ARL6IP4: variants seen among roughly 807,000 people sequenced by gnomAD.
The protein encoded by ARL6IP4 is ADP-ribosylation factor-like protein 6-interacting protein 4.
ARL6IP4 carries 24 observed loss-of-function variants against 28.1 expected under a neutral mutation model. The observed-to-expected ratio is 0.86, with a 90% confidence interval of 0.62 to 1.20. ARL6IP4 has a LOEUF of 1.20. ARL6IP4 is among the 50% of genes most tolerant of loss of function. The pLI, the probability that ARL6IP4 is intolerant of heterozygous loss-of-function variation, is 0.00. For synonymous variants in ARL6IP4, 162 were observed against 122.3 expected (o/e 1.32, Z -2.14); for missense variants, 343 against 302.4 (o/e 1.13, Z -1.00).
chr12:122,981,023 C>T, intron 1 of ARL6IP4, 106 bp from the exon 2 acceptor site: 3 of 1,414,410 alleles, frequency 2.1e-6, no homozygotes, highest in South Asian at 1.5e-5. Context: ...GGGACGGTGA[C>T]GGGTACTGGG....
In ARL6IP4 at chr12:122,982,657, G is replaced by A. The variant is rs139900775; in HGVS notation, c.695G>A (p.Arg232Gln). Reference protein sequence around the residue: ...TRGDCLAFQMRAGLLP With the variant: ...TRGDCLAFQMQAGLLP The stretch of plus-strand genomic sequence containing the variant: ...GGGGACTGCCTGGCCTTCCAGATGC[G>A]AGCTGGGTTGCTTCCCTGAGGGCCC... Residue 232 changes from arginine (R) to glutamine (Q), a missense_variant, in exon 6 of 6, where the codon CGA becomes CAA. Physicochemically the swap from Arg to Gln is conservative, Grantham distance 43 (BLOSUM62 1). Coordinates refer to ENST00000315580, the MANE Select transcript of ARL6IP4 (RefSeq NM_018694.4). 154 of 1,613,920 alleles carry A rather than the reference G, an allele frequency of 9.5e-5. No individual in the cohort carries two copies. Among genetic ancestry groups the A allele is most frequent in the African/African-American group, 1.1e-4 (8 of 75,044 alleles).
chr12:122,980,494 C>G, upstream of ARL6IP4: 1 of 1,369,616 alleles, frequency 7.3e-7, no homozygotes, highest in South Asian at 1.8e-5. Context: ...GAGAGGGCAG[C>G]CTTGGAAGTG....
upstream of ARL6IP4, chr12:122,980,639 TC>T: frequency 7.1e-7 from 1 of 1,400,218 alleles, no homozygotes; most frequent in Non-Finnish European, 9.3e-7. Flanking sequence ...GCGCCGCGCT[TC>T]CCAGCCGGCC....
intron 4 of ARL6IP4, 72 bp downstream of exon 4, chr12:122,982,146 G>T: frequency 6.5e-7 from 1 of 1,545,444 alleles, no homozygotes; most frequent in Non-Finnish European, 8.9e-7. Flanking sequence ...CTCTCGGGAG[G>T]AGTGGGGCCG....
At chr12:122,980,769 G>C in intron 1 of ARL6IP4, 24 bp downstream of exon 1, 1 of 1,306,806 alleles carries the variant, frequency 7.7e-7, no homozygotes, top group Non-Finnish European at 9.7e-7. Context: ...AGCCCCGGGG[G>C]CCCCCTTGAG....
chr12:122,982,836 G>T lies in ARL6IP4; in HGVS notation c.*160G>T. 1.3e-6 allele frequency: 1 copy of T among 743,460 alleles called. No homozygotes were observed. 46.1% of individuals were successfully genotyped at this position (743,460 alleles called of 1,614,324 possible). A position where few individuals can be genotyped will look rare whatever the true frequency, so the allele number is the denominator to read the frequency against. ...TCTCAGGGGCAGGGGGTGGAGGTTG[G>T]GGTCACCGGCCTGCTTGGCACCCCC... is the stretch of plus-strand genomic sequence containing the variant. On this transcript the variant is annotated 3_prime_UTR_variant, in exon 6 of 6. Coordinates refer to ENST00000315580, the MANE Select transcript of ARL6IP4 (RefSeq NM_018694.4).
Position 122,981,740 on chromosome 12 carries a change from G to A in ARL6IP4, c.330G>A (p.Lys110=), listed in dbSNP as rs1035757808. 1.8e-5 allele frequency: 28 copies of A among 1,554,754 alleles called. No individual in the cohort carries two copies. Among genetic ancestry groups the A allele is most frequent in the East Asian group, 7.3e-5 (3 of 41,200 alleles). ...AGAAGCGGGGGAAGTACAAGGACAA[G>A]AGGAGGAAGAAGAAGAAGAAGAGGA... ...GRKKRGKYKD[K]RRKKKKKRKK... The change falls in exon 3 of 6, where the codon AAG becomes AAA. Residue 110 remains lysine (K), a synonymous_variant. Coordinates refer to ENST00000315580, the MANE Select transcript of ARL6IP4 (RefSeq NM_018694.4).
At chr12:122,982,185 C>T in intron 4 of ARL6IP4, 111 bp downstream of exon 4, 2 of 1,196,648 alleles carry the variant, frequency 1.7e-6, no homozygotes, top group Non-Finnish European at 2.5e-6. Flanking sequence ...TGAAAAAGGC[C>T]AAATGTGGGC....
At chr12:122,980,569 C>T (rs765721147), upstream of ARL6IP4, 5 of 1,369,118 alleles carry the variant, frequency 3.7e-6, no homozygotes, top group Non-Finnish European at 4.7e-6. Context: ...CCCCTGCTTG[C>T]CTCTGCGGGA....
At position 122,981,770 on chromosome 12, in the gene ARL6IP4, G is replaced by C. The variant is rs1201326532; in HGVS notation, c.360G>C (p.Lys120Asn). ...KRRKKKKKRKKLKKKGKEKAE... is the reference protein window; with the variant it reads ...KRRKKKKKRKNLKKKGKEKAE... ...GGAAGAAGAAGAAGAAGAGGAAGAA[G>C]CTGAAGAAGAAGGGCAAGGAGAAGG... is the stretch of plus-strand genomic sequence containing the variant. Residue 120 changes from lysine to asparagine, a missense_variant, in exon 3 of 6, where the codon AAG (lysine) becomes AAC (asparagine). By Grantham distance (94) the Lys-to-Asn change is moderately conservative. Coordinates refer to ENST00000315580, the MANE Select transcript of ARL6IP4 (RefSeq NM_018694.4). 1.3e-6 allele frequency: 2 copies of C among 1,571,040 alleles called. No homozygotes were observed.
In ARL6IP4 at chr12:122,982,668, C is replaced by T; in HGVS notation, c.706C>T (p.Leu236Phe). The T allele has an allele frequency of 6.2e-7, 1 of 1,613,774 alleles. No homozygotes were observed. Among genetic ancestry groups the T allele is most frequent in the Non-Finnish European group, 8.5e-7 (1 of 1,180,016 alleles). ...GGCCTTCCAGATGCGAGCTGGGTTG[C>T]TTCCCTGAGGGCCCCCGCTGGCCAA... ...CLAFQMRAGL[L>F]P Residue 236 changes from leucine (L) to phenylalanine (F), a missense_variant, in exon 6 of 6, where the codon CTT (leucine) becomes TTT (phenylalanine). Physicochemically the swap from Leu to Phe is conservative, Grantham distance 22. Transcript: ENST00000315580.
chr12:122,980,262 G>A (rs890123935), upstream of ARL6IP4: 2 of 1,244,900 alleles, frequency 1.6e-6, no homozygotes, highest in Non-Finnish European at 2.0e-6. Context: ...GGATGGGCCT[G>A]GGGTCCATGC....
chr12:122,982,740 G>A lies in ARL6IP4; in HGVS notation c.*64G>A. 1.3e-6 allele frequency: 2 copies of A among 1,534,174 alleles called. No homozygotes were observed. Among genetic ancestry groups the A allele is most frequent in the Admixed American group, 3.4e-5 (2 of 59,512 alleles). On this transcript the variant is annotated 3_prime_UTR_variant, in exon 6 of 6. Coordinates refer to ENST00000315580, the MANE Select transcript of ARL6IP4 (RefSeq NM_018694.4). Reference sequence around the variant, plus strand: ...GCCCAGCCTGGGCAGGTTTCAGGGTGCCAGTGGGAAGCCTGATGGGTGCTG... The same window carrying A: ...GCCCAGCCTGGGCAGGTTTCAGGGTACCAGTGGGAAGCCTGATGGGTGCTG...
intron 4 of ARL6IP4, 81 bp downstream of exon 4, chr12:122,982,155 C>T (rs1209377904): frequency 6.0e-6 from 9 of 1,511,920 alleles, no homozygotes; most frequent in Admixed American, 5.0e-5. Context: ...GGAGTGGGGC[C>T]GGGCGGGGTT....
chr12:122,981,066 C>A, intron 1 of ARL6IP4, 63 bp from the exon 2 acceptor site: 1 of 1,502,254 alleles, frequency 6.7e-7, no homozygotes. Context: ...TAGAGCCACC[C>A]TTGGAGCCCG....
At chr12:122,980,518 C>A, upstream of ARL6IP4, 1 of 1,364,508 alleles carries the variant, frequency 7.3e-7, no homozygotes, top group Non-Finnish European at 9.4e-7. Context: ...GCAGCTTCGG[C>A]AGACACAGGC....
In ARL6IP4 at chr12:122,981,206, AAG is replaced by A. The variant is rs1286369699; in HGVS notation, c.71_72del (p.Arg24LysfsTer61). 1.3e-6 allele frequency: 2 copies of A among 1,549,768 alleles called. No individual in the cohort carries two copies. The highest frequency in any genetic ancestry group is 1.7e-6 in the Non-Finnish European group (2 of 1,146,646). On this transcript the variant is annotated frameshift_variant, in exon 2 of 6. Coordinates refer to ENST00000315580, the MANE Select transcript of ARL6IP4 (RefSeq NM_018694.4). LOFTEE classifies it high-confidence loss of function. The stretch of plus-strand genomic sequence containing the variant: ...CCGGTCCCGGGGACGGGGGTCGGAA[AAG>A]AGAAAGAAGAAGAGCAGGAAAGACA... ...RSRSRGRGSE[K>X]RKKKSRKDTS...
chr12:122,980,341 G>C, upstream of ARL6IP4: 1 of 1,306,818 alleles, frequency 7.7e-7, no homozygotes, highest in Non-Finnish European at 9.7e-7. Context: ...TCACTGGGTG[G>C]GCGCGTCGGA....
At chr12:122,980,945 G>A in intron 1 of ARL6IP4, 184 bp from the exon 2 acceptor site, 3 of 1,387,394 alleles carry the variant, frequency 2.2e-6, no homozygotes, top group South Asian at 3.3e-5. Context: ...ACCGCTGCGG[G>A]GACTGGAGTC....
Sources: allele counts gnomAD v4.1 joint callset, GRCh38; gene constraint gnomAD v4.1.1; transcripts MANE v1.5; gene names NCBI Gene and HGNC (gene_info 2026-07-23, HGNC 2026-07-21).